STMP1: variants seen among roughly 807,000 people sequenced by gnomAD.
The protein encoded by STMP1 is mitolamban.
Under a neutral mutation model 7.0 loss-of-function variants are expected in STMP1, and 7 were observed. The ratio of observed to expected loss-of-function variants is 1.01; its 90% CI spans 0.57 to 1.89. STMP1 has a LOEUF of 1.89. Ranked by LOEUF, STMP1 falls within the 40% of genes most tolerant of loss-of-function variation. The probability of loss-of-function intolerance (pLI) is 0.00; values close to 1 mark genes in which losing one functional copy is unlikely to be tolerated. For missense variants in STMP1, 45 were observed against 53.0 expected (o/e 0.85, Z 0.47); for synonymous variants, 19 against 18.4 (o/e 1.03, Z -0.08).
chr7:135,670,726 G>T (rs1795348317), intron 1 of STMP1, among the ~76,000 whole-genome samples: 1 of 152,102 alleles, frequency 6.6e-6, no homozygotes, highest in African/African-American at 2.4e-5. Context: ...AGTTTTTTAT[G>T]TGCCCTGATA....
chr7:135,674,218 C>A lies in STMP1; in HGVS notation c.*53C>A. 1 of 1,321,840 alleles carries A rather than the reference C, an allele frequency of 7.6e-7. No individual in the cohort carries two copies. The highest frequency in any genetic ancestry group is 1.0e-6 in the Non-Finnish European group (1 of 963,734). 81.9% of individuals were successfully genotyped at this position (1,321,840 alleles called of 1,614,324 possible). ...ATACTGATTCTACTGCTCTTGAGGGCCTCGTTTACTATCTGAACCAAAAGC... is the reference window on the plus strand; with the variant it reads ...ATACTGATTCTACTGCTCTTGAGGGACTCGTTTACTATCTGAACCAAAAGC... On this transcript the variant is annotated 3_prime_UTR_variant, in exon 3 of 3. Transcript: ENST00000507606.
chr7:135,672,609 G>A (rs1795368209), intron 1 of STMP1, 144 bp from the exon 2 acceptor site: 7 of 602,232 alleles, frequency 1.2e-5, no homozygotes, highest in East Asian at 2.8e-5. Context: ...TGACTCTCAT[G>A]TTGTACACAG....
At chr7:135,667,430 A>G (rs1169807510) in intron 1 of STMP1, among the ~76,000 whole-genome samples, 1 of 152,078 alleles carries the variant, frequency 6.6e-6, no homozygotes, top group Non-Finnish European at 1.5e-5. Context: ...CAGGCTGGTA[A>G]TTGAACTCCT....
intron 1 of STMP1, among the ~76,000 whole-genome samples, 192 bp downstream of exon 1, chr7:135,662,786 A>G (rs927279055): frequency 3.9e-5 from 6 of 152,310 alleles, no homozygotes; most frequent in Admixed American, 6.5e-5. Context: ...CCCTTTGCCA[A>G]TATTTTTCTG....
rs1347727868 is a variant in STMP1, at chr7:135,662,518, T to A, written c.-62T>A. On this transcript the variant is annotated 5_prime_UTR_variant, in exon 1 of 3. Transcript: ENST00000507606. ...CCCCCCCGCGCATGGGGAGGTAGGC[T>A]CGGACCGGCCCGCGGAGCTGCTGCA... The A allele has an allele frequency of 6.6e-7, 1 of 1,522,750 alleles. No homozygotes were observed. The highest frequency in any genetic ancestry group is 8.8e-7 in the Non-Finnish European group (1 of 1,131,038). The allele number at this position is 1,522,750 out of a possible 1,614,324, so 94.3% of individuals were successfully genotyped here.
At chr7:135,670,105 A>G (rs1014244180) in intron 1 of STMP1, among the ~76,000 whole-genome samples, 5 of 152,140 alleles carry the variant, frequency 3.3e-5, no homozygotes, top group African/African-American at 1.2e-4. Context: ...TCTGTTCTCA[A>G]ACTTCCAGTG....
intron 1 of STMP1, among the ~76,000 whole-genome samples, chr7:135,664,886 A>C (rs1391433079): frequency 6.6e-6 from 1 of 152,184 alleles, no homozygotes; most frequent in Non-Finnish European, 1.5e-5. Context: ...CTAGTGTTTA[A>C]GAGATTAAAC....
chr7:135,663,427 C>T (rs559530058), intron 1 of STMP1, among the ~76,000 whole-genome samples: 9 of 152,098 alleles, frequency 5.9e-5, no homozygotes, highest in African/African-American at 2.2e-4. Flanking sequence ...TCACTGGAAC[C>T]TCCGCCTCCC....
Position 135,662,741 on chromosome 7 carries a change from A to G in STMP1, c.15+147A>G. The G allele has an allele frequency of 4.5e-6, 4 of 889,856 alleles. No homozygotes were observed. In the Admixed American group the frequency reaches 1.3e-4, roughly 29 times the overall value. 55.1% of individuals were successfully genotyped at this position (889,856 alleles called of 1,614,324 possible). ...CCCCCGCGCCTGGTCGTCGCCTCGC[A>G]GGGCGGCCGTTTTCTTCCTGCCTCC... On this transcript the variant is annotated intron_variant, in intron 1 of 2. Coordinates refer to ENST00000507606, the MANE Select transcript of STMP1 (RefSeq NM_001130929.2).
chr7:135,671,121 T>A (rs1271413896), intron 1 of STMP1, among the ~76,000 whole-genome samples: 1 of 152,216 alleles, frequency 6.6e-6, no homozygotes, highest in Non-Finnish European at 1.5e-5. Flanking sequence ...ATCATTCTCC[T>A]TCAAGGTGCA....
chr7:135,673,100 C>G, intron 2 of STMP1: 1 of 402,438 alleles, frequency 2.5e-6, no homozygotes, highest in Non-Finnish European at 4.4e-6. Context: ...TCTTAAAATT[C>G]TTTGGGAAAT....
At chr7:135,664,656 G>A (rs1278148622) in intron 1 of STMP1, among the ~76,000 whole-genome samples, 1 of 152,078 alleles carries the variant, frequency 6.6e-6, no homozygotes, top group Non-Finnish European at 1.5e-5. Flanking sequence ...AAGGAGAGAT[G>A]CTAAAGCTGT....
rs1017593916 is a variant in STMP1 at position 135,675,347 on chromosome 7, G to C, written c.*1182G>C. ...ACACAAATAGTAACTATACATGGAG[G>C]TCTAGCCCTCGCCTTTTTTTTTTCT... On this transcript the variant is annotated 3_prime_UTR_variant, in exon 3 of 3. Coordinates refer to ENST00000507606, the MANE Select transcript of STMP1 (RefSeq NM_001130929.2). 1 of 152,066 alleles carries C rather than the reference G, an allele frequency of 6.6e-6. No homozygotes were observed. The highest frequency in any genetic ancestry group is 2.4e-5 in the African/African-American group (1 of 41,508). The allele number at this position is 152,066 out of a possible 1,614,324, so 9.4% of individuals were successfully genotyped here.
chr7:135,672,678 T>A, intron 1 of STMP1, 75 bp from the exon 2 acceptor site: 1 of 1,055,562 alleles, frequency 9.5e-7, no homozygotes, highest in Non-Finnish European at 1.4e-6. Flanking sequence ...AGATATTGTC[T>A]ATGTATTTTA....
chr7:135,669,248 T>A (rs1201257601), intron 1 of STMP1, among the ~76,000 whole-genome samples: 1 of 152,238 alleles, frequency 6.6e-6, no homozygotes, highest in Non-Finnish European at 1.5e-5. Context: ...ATCACCAGTT[T>A]AAATGTGAAC....
At chr7:135,664,698 C>T (rs898703435) in intron 1 of STMP1, among the ~76,000 whole-genome samples, 1 of 152,074 alleles carries the variant, frequency 6.6e-6, no homozygotes, top group African/African-American at 2.4e-5. Context: ...AGTAACTGAA[C>T]ACTGATGTTC....
In STMP1 at chr7:135,674,075, T is replaced by A. The variant is rs754855477; in HGVS notation, c.70-16T>A. On this transcript the variant is annotated splice_polypyrimidine_tract_variant and intron_variant, in intron 2 of 2. Coordinates refer to ENST00000507606, the MANE Select transcript of STMP1 (RefSeq NM_001130929.2). Reference sequence around the variant, plus strand: ...AGGTAGATGCAAAATTATAATAACCTTTTTTCTCTTCAAAGATACCAAACC... The same window carrying A: ...AGGTAGATGCAAAATTATAATAACCATTTTTCTCTTCAAAGATACCAAACC... 1.7e-5 allele frequency: 26 copies of A among 1,523,044 alleles called. 1 individual carries two copies. The highest frequency in any genetic ancestry group is 2.1e-5 in the Non-Finnish European group (24 of 1,127,460). The allele number at this position is 1,523,044 out of a possible 1,614,324, so 94.3% of individuals were successfully genotyped here. A position where few individuals can be genotyped will look rare whatever the true frequency, so the allele number is the denominator to read the frequency against.
At chr7:135,673,962 C>G in intron 2 of STMP1, 129 bp from the exon 3 acceptor site, 1 of 653,442 alleles carries the variant, frequency 1.5e-6, no homozygotes, top group Non-Finnish European at 2.7e-6. Context: ...AAAGAAATAA[C>G]CACTATTTAG....
At chr7:135,665,398 G>A (rs1228837246) in intron 1 of STMP1, among the ~76,000 whole-genome samples, 1 of 152,022 alleles carries the variant, frequency 6.6e-6, no homozygotes, top group Non-Finnish European at 1.5e-5. Flanking sequence ...ATCTTGAAGA[G>A]ACCTTGTTCC....
Sources: gnomAD v4.1 joint callset for allele counts (sites outside exome capture counted in the v4.1 genomes callset) on GRCh38, gnomAD v4.1.1 for gene constraint, MANE v1.5 for transcripts, NCBI Gene and HGNC (gene_info 2026-07-23, HGNC 2026-07-21) for gene names.